The following STK3 variants were observed in gnomAD, a reference collection of about 807,000 sequenced individuals.
STK3 encodes the protein serine/threonine kinase 3.
STK3 carries 41 observed loss-of-function variants against 58.0 expected under a neutral mutation model. That is an observed-to-expected ratio of 0.71 (90% CI 0.55 to 0.92). The LOEUF (loss-of-function observed/expected upper bound fraction) is 0.92, where lower values mean the gene tolerates loss of function less well. Ranked by LOEUF, STK3 falls within the 40% of genes least tolerant of loss-of-function variation. STK3 has a pLI of 0.00. For synonymous variants in STK3, 170 were observed against 191.0 expected (o/e 0.89, Z 0.91); for missense variants, 479 against 602.7 (o/e 0.79, Z 2.15).
chr8:98,707,128 A>ACAG lies in STK3; in HGVS notation c.516+18_516+19insCTG. The ACAG allele has an allele frequency of 6.3e-7, 1 of 1,586,170 alleles. No homozygotes were observed. Among genetic ancestry groups the ACAG allele is most frequent in the Non-Finnish European group, 8.5e-7 (1 of 1,172,824 alleles). ...AACAAATTAGCCAAGTGTTTAGAAA[A>ACAG]CCATTAAAGTTAACTTACTGTTAAC... is the stretch of plus-strand genomic sequence containing the variant. On this transcript the variant is annotated intron_variant, in intron 5 of 10. Transcript: ENST00000419617.
intron 1 of STK3, among the ~76,000 whole-genome samples, chr8:98,441,117 T>C (rs1818678954): frequency 6.6e-6 from 1 of 152,198 alleles, no homozygotes; most frequent in African/African-American, 2.4e-5. Context: ...TCCACGATAG[T>C]TGAAATCAAA....
the STK3 span, among the ~76,000 whole-genome samples, chr8:98,349,216 A>G: frequency 1.3e-5 from 2 of 152,246 alleles, no homozygotes; most frequent in Non-Finnish European, 2.9e-5. Flanking sequence ...CAGAGATGGT[A>G]AAAAGATCAG....
At chr8:98,519,801 C>G (rs1457630796) in intron 10 of STK3, among the ~76,000 whole-genome samples, 2 of 152,014 alleles carry the variant, frequency 1.3e-5, no homozygotes, top group Non-Finnish European at 2.9e-5. Flanking sequence ...AGAACACCAC[C>G]AACTGAATAA....
chr8:98,360,567 A>G, the STK3 span, among the ~76,000 whole-genome samples: 1 of 147,776 alleles, frequency 6.8e-6, no homozygotes, highest in Non-Finnish European at 1.5e-5. Context: ...AGTAAGATCT[A>G]TTTTTAATGA....
intron 3 of STK3, among the ~76,000 whole-genome samples, chr8:98,835,133 G>T (rs1378154066): frequency 6.6e-6 from 1 of 152,196 alleles, no homozygotes; most frequent in African/African-American, 2.4e-5. Context: ...CCATACTCAT[G>T]ACTCTCTGGG....
intron 3 of STK3, among the ~76,000 whole-genome samples, chr8:98,766,304 G>C (rs893349249): frequency 1.3e-5 from 2 of 152,132 alleles, no homozygotes; most frequent in African/African-American, 2.4e-5. Flanking sequence ...GCACAGTACC[G>C]GGTCAACTGG....
chr8:98,415,181 G>A (rs1411664118), intron 3 of STK3, among the ~76,000 whole-genome samples: 1 of 152,164 alleles, frequency 6.6e-6, no homozygotes, highest in Non-Finnish European at 1.5e-5. Context: ...GAACCATCTT[G>A]GAAACAGACA....
At chr8:98,690,148 C>T (rs1343757790) in intron 6 of STK3, among the ~76,000 whole-genome samples, 1 of 152,118 alleles carries the variant, frequency 6.6e-6, no homozygotes. Flanking sequence ...CAAAGATGTC[C>T]ACTCTTACCA....
intron 6 of STK3, 96 bp from the exon 7 acceptor site, chr8:98,596,265 T>G: frequency 7.2e-7 from 1 of 1,395,732 alleles, no homozygotes; most frequent in Non-Finnish European, 9.6e-7. Context: ...GACTCTAAAT[T>G]TGAAAAACAA....
At chr8:98,738,457 G>C (rs1828818592) in intron 4 of STK3, among the ~76,000 whole-genome samples, 1 of 151,802 alleles carries the variant, frequency 6.6e-6, no homozygotes, top group Non-Finnish European at 1.5e-5. Context: ...TGGGGAACAA[G>C]AACGAAACTC....
At chr8:98,629,151 T>C (rs1426102096) in intron 6 of STK3, among the ~76,000 whole-genome samples, 1 of 152,150 alleles carries the variant, frequency 6.6e-6, no homozygotes, top group Non-Finnish European at 1.5e-5. Flanking sequence ...CTCAAGTACT[T>C]CATACACAAA....
chr8:98,563,247 A>C (rs1812204143), intron 8 of STK3, among the ~76,000 whole-genome samples: 1 of 152,124 alleles, frequency 6.6e-6, no homozygotes, highest in South Asian at 2.1e-4. Flanking sequence ...GGAGTTGAGA[A>C]ACTTAGTAAA....
At chr8:98,901,679 C>T (rs990739170) in intron 1 of STK3, among the ~76,000 whole-genome samples, 1 of 152,236 alleles carries the variant, frequency 6.6e-6, no homozygotes, top group Non-Finnish European at 1.5e-5. Context: ...AGCCTCATTC[C>T]ACACTGGCTC....
At chr8:98,425,328 GACACAC>G (rs5893464) in intron 3 of STK3, among the ~76,000 whole-genome samples, 89 of 150,624 alleles carry the variant, frequency 5.9e-4, no homozygotes, top group African/African-American at 1.9e-3. Flanking sequence ...CTCCCTCTCA[GACACAC>G]ACACACACAC....
chr8:98,829,964 T>C (rs963280686), upstream of STK3, among the ~76,000 whole-genome samples: 2 of 151,668 alleles, frequency 1.3e-5, no homozygotes, highest in African/African-American at 2.4e-5. Flanking sequence ...TGGTGGCTCA[T>C]GCCTATAATC....
chr8:98,914,641 C>T (rs1839277685), intron 1 of STK3, among the ~76,000 whole-genome samples: 1 of 152,200 alleles, frequency 6.6e-6, no homozygotes, highest in South Asian at 2.1e-4. Context: ...GTCCTCTCAA[C>T]TGTCCTCATC....
At chr8:98,581,760 G>A (rs140153757) in intron 7 of STK3, among the ~76,000 whole-genome samples, 11 of 151,850 alleles carry the variant, frequency 7.2e-5, no homozygotes, top group Non-Finnish European at 1.2e-4. Context: ...AGAAACCCCA[G>A]GGAACTCACA....
chr8:98,582,284 A>C (rs1001347814), intron 7 of STK3, among the ~76,000 whole-genome samples: 33 of 152,016 alleles, frequency 2.2e-4, no homozygotes, highest in African/African-American at 6.5e-4. Flanking sequence ...TCTTGTTGAA[A>C]TACTTTATAA....
intron 8 of STK3, among the ~76,000 whole-genome samples, chr8:98,564,572 G>T (rs950195969): frequency 1.3e-5 from 2 of 152,100 alleles, no homozygotes; most frequent in African/African-American, 4.8e-5. Flanking sequence ...GCATAGTACA[G>T]TGACTGTGGT....
Sources: gnomAD v4.1 joint callset for allele counts (sites outside exome capture counted in the v4.1 genomes callset) on GRCh38, gnomAD v4.1.1 for gene constraint, MANE v1.5 for transcripts, NCBI Gene and HGNC (gene_info 2026-07-23, HGNC 2026-07-21) for gene names.